Variants in CSDE1 observed in about 807,000 individuals in gnomAD.
CSDE1 encodes cold shock domain-containing protein E1.
In CSDE1, 17 loss-of-function variants were observed where a neutral mutation model predicts 89.3. That is an observed-to-expected ratio of 0.19 (90% CI 0.13 to 0.29). The LOEUF (loss-of-function observed/expected upper bound fraction) is 0.29, where lower values mean the gene tolerates loss of function less well. Among genes scored for constraint, CSDE1 ranks in the 10% least tolerant of loss-of-function variants. CSDE1 has a pLI of 1.00. For synonymous variants in CSDE1, 322 were observed against 332.8 expected (o/e 0.97, Z 0.35); for missense variants, 672 against 984.2 (o/e 0.68, Z 4.24).
chr1:114,751,821 A>G (rs1392549737), intron 1 of CSDE1, among the ~76,000 whole-genome samples: 1 of 152,112 alleles, frequency 6.6e-6, no homozygotes, highest in Non-Finnish European at 1.5e-5. Flanking sequence ...CAATGTTGCA[A>G]GTTGTGTTAG....
chr1:114,747,237 G>A (rs543437095), intron 2 of CSDE1, among the ~76,000 whole-genome samples: 1 of 151,926 alleles, frequency 6.6e-6, no homozygotes, highest in East Asian at 1.9e-4. Flanking sequence ...TCCTAATTAC[G>A]TACTATTTTT....
At chr1:114,730,157 A>G in intron 12 of CSDE1, 101 bp downstream of exon 12, 1 of 1,331,120 alleles carries the variant, frequency 7.5e-7, no homozygotes, top group Non-Finnish European at 1.0e-6. Context: ...ATTCTGAAAG[A>G]GACAAACTTC....
chr1:114,737,638 T>A, intron 4 of CSDE1, 75 bp from the exon 5 acceptor site: 2 of 1,073,328 alleles, frequency 1.9e-6, no homozygotes, highest in Non-Finnish European at 2.8e-6. Context: ...AACTGAATTT[T>A]AATATCCTCT....
rs905764262 is a variant in CSDE1 at position 114,720,475 on chromosome 1, T to C, written c.2052+64A>G. The C allele has an allele frequency of 5.8e-6, 8 of 1,375,950 alleles. No individual in the cohort carries two copies. In the African/African-American group the frequency reaches 8.8e-5, roughly 15 times the overall value. 85.2% of individuals were successfully genotyped at this position (1,375,950 alleles called of 1,614,324 possible). Reference sequence around the variant, plus strand: ...ATGATTTCCCCTTGGCTGAAAATATTTGAAGGTTTTGGTTACCAACTCATA... The same window carrying C: ...ATGATTTCCCCTTGGCTGAAAATATCTGAAGGTTTTGGTTACCAACTCATA... On this transcript the variant is annotated intron_variant, in intron 17 of 19. Coordinates refer to ENST00000358528, the MANE Select transcript of CSDE1 (RefSeq NM_001007553.3).
intron 10 of CSDE1, 100 bp downstream of exon 10, chr1:114,732,504 G>A (rs1461496147): frequency 8.5e-6 from 9 of 1,063,332 alleles, no homozygotes; most frequent in Admixed American, 3.9e-5. Flanking sequence ...GCCCATTAGG[G>A]TCATTTAACT....
At chr1:114,742,928 A>C (rs1660809406) in intron 2 of CSDE1, among the ~76,000 whole-genome samples, 1 of 152,076 alleles carries the variant, frequency 6.6e-6, no homozygotes. Context: ...TGCACAAGTA[A>C]ACTTTTTATA....
intron 2 of CSDE1, chr1:114,741,399 G>C: frequency 3.6e-6 from 3 of 840,214 alleles, no homozygotes; most frequent in Non-Finnish European, 1.7e-6. Flanking sequence ...AAGAGTGAAG[G>C]TGAAAAAAAT....
Position 114,718,080 on chromosome 1 carries a change from G to A in CSDE1, c.*89C>T. 1.5e-6 allele frequency: 2 copies of A among 1,321,674 alleles called. No homozygotes were observed. Among genetic ancestry groups the A allele is most frequent in the Admixed American group, 1.7e-5 (1 of 57,518 alleles). The allele number at this position is 1,321,674 out of a possible 1,614,324, so 81.9% of individuals were successfully genotyped here. ...ATAGAATAAGTATTCCAGATTTCGG[G>A]AGGGATGAAGAGGGAGATATTCAGA... On this transcript the variant is annotated 3_prime_UTR_variant, in exon 20 of 20. Transcript: ENST00000358528.
In CSDE1 at chr1:114,739,807, C is replaced by A; in HGVS notation, c.84G>T (p.Gly28=). The change falls in exon 3 of 20, where the codon GGG becomes GGT. Residue 28 remains glycine, a synonymous_variant. Coordinates refer to ENST00000358528, the MANE Select transcript of CSDE1 (RefSeq NM_001007553.3). ...AAGAGGTTAACAGTTTTTCAATAAC[C>A]CCAGTTTCACGCAGTGCTGCTGAAG... The part of the protein sequence containing the change: ...NGTSAALRET[G]VIEKLLTSYG... 6.2e-7 allele frequency: 1 copy of A among 1,613,936 alleles called. No homozygotes were observed. Among genetic ancestry groups the A allele is most frequent in the South Asian group, 1.1e-5 (1 of 91,080 alleles).
intron 17 of CSDE1, chr1:114,720,163 G>A (rs1182286865): frequency 9.4e-6 from 2 of 213,522 alleles, no homozygotes; most frequent in Non-Finnish European, 1.9e-5. Flanking sequence ...GTAAGACTAA[G>A]TTTGTTTGCC....
chr1:114,757,535 C>T (rs796125602), intron 1 of CSDE1, among the ~76,000 whole-genome samples: 100 of 152,142 alleles, frequency 6.6e-4, no homozygotes, highest in African/African-American at 2.4e-3. Context: ...CCCGTTTCCC[C>T]AGACAAGCCG....
intron 12 of CSDE1, among the ~76,000 whole-genome samples, chr1:114,729,095 C>T (rs1262001549): frequency 6.6e-6 from 1 of 151,876 alleles, no homozygotes; most frequent in Non-Finnish European, 1.5e-5. Flanking sequence ...AAGTACAGAA[C>T]AAGGTCTAAA....
Position 114,718,910 on chromosome 1 carries a change from A to C in CSDE1, c.2217-165T>G, listed in dbSNP as rs1659353954. On this transcript the variant is annotated intron_variant, in intron 18 of 19. Coordinates refer to ENST00000358528, the MANE Select transcript of CSDE1 (RefSeq NM_001007553.3). Reference sequence around the variant, plus strand: ...AAAGACAGGACAGACAAGTTTGTTTATGTATTATTATCCCCAACTCAAGGT... The same window carrying C: ...AAAGACAGGACAGACAAGTTTGTTTCTGTATTATTATCCCCAACTCAAGGT... 3.6e-5 allele frequency: 25 copies of C among 698,426 alleles called. 2 individuals carry two copies. The South Asian group carries it at 5.0e-4, about 14-fold the overall frequency. The allele number at this position is 698,426 out of a possible 1,614,324, so 43.3% of individuals were successfully genotyped here. A position where few individuals can be genotyped will look rare whatever the true frequency, so the allele number is the denominator to read the frequency against.
chr1:114,757,411 A>C (rs545707563), intron 1 of CSDE1, among the ~76,000 whole-genome samples: 1 of 152,156 alleles, frequency 6.6e-6, no homozygotes, highest in East Asian at 1.9e-4. Context: ...AACGGCCAGG[A>C]AACTACAGGG....
chr1:114,743,628 C>A (rs1660856258), intron 2 of CSDE1, among the ~76,000 whole-genome samples: 1 of 152,186 alleles, frequency 6.6e-6, no homozygotes, highest in Non-Finnish European at 1.5e-5. Flanking sequence ...CACATCACTG[C>A]AGGTAGGAGA....
Position 114,717,978 on chromosome 1 carries a change from T to C in CSDE1, c.*191A>G. ...TTTCCAGGCTGCAACTGTGCATTAT[T>C]TAAAATGGTTTTCTTAAATTTATTT... On this transcript the variant is annotated 3_prime_UTR_variant, in exon 20 of 20. Transcript: ENST00000358528. 3 of 592,412 alleles carry C rather than the reference T, an allele frequency of 5.1e-6. No homozygotes were observed. The highest frequency in any genetic ancestry group is 8.6e-6 in the Non-Finnish European group (3 of 346,866). The allele number at this position is 592,412 out of a possible 1,614,324, so 36.7% of individuals were successfully genotyped here.
intron 6 of CSDE1, 87 bp downstream of exon 6, chr1:114,736,671 T>A (rs1363361269): frequency 1.3e-6 from 1 of 748,102 alleles, no homozygotes; most frequent in African/African-American, 1.8e-5. Flanking sequence ...GACTTACAAG[T>A]TAGGTTTTTA....
chr1:114,718,478 A>C (rs893247881), intron 19 of CSDE1, 135 bp downstream of exon 19: 198 of 1,232,062 alleles, frequency 1.6e-4, no homozygotes, highest in Non-Finnish European at 4.7e-5. Context: ...CAATGTGTAG[A>C]AAGTCCTAAC....
intron 2 of CSDE1, among the ~76,000 whole-genome samples, chr1:114,746,172 C>A (rs1412220526): frequency 2.0e-5 from 3 of 152,152 alleles, no homozygotes; most frequent in African/African-American, 7.2e-5. Context: ...TGAACACAAC[C>A]ATTTTTAACA....
Sources: allele counts gnomAD v4.1 joint callset (sites outside exome capture counted in the v4.1 genomes callset), GRCh38; gene constraint gnomAD v4.1.1; transcripts MANE v1.5; gene names NCBI Gene and HGNC (gene_info 2026-07-23, HGNC 2026-07-21).